Variants in EYS observed in about 807,000 individuals in gnomAD.
EYS encodes the protein EGF-like photoreceptor maintenance factor.
In EYS, 250 loss-of-function variants were observed where a neutral mutation model predicts 282.1. That is an observed-to-expected ratio of 0.89 (90% CI 0.80 to 0.98). The LOEUF (loss-of-function observed/expected upper bound fraction) is 0.98. Among genes scored for constraint, EYS ranks in the 50% least tolerant of loss-of-function variants. The pLI, the probability that EYS is intolerant of heterozygous loss-of-function variation, is 0.00. For synonymous variants in EYS, 1,355 were observed against 1,282.9 expected (o/e 1.06, Z -1.20); for missense variants, 4,016 against 3,709.0 (o/e 1.08, Z -2.15).
At chr6:64,309,110 G>A (rs1769573526) in intron 29 of EYS, among the ~76,000 whole-genome samples, 1 of 152,042 alleles carries the variant, frequency 6.6e-6, no homozygotes. Context: ...GATAGTGAAT[G>A]TTCAAACTTA....
chr6:64,070,409 CAA>C (rs573355230), intron 32 of EYS, among the ~76,000 whole-genome samples: 135 of 152,068 alleles, frequency 8.9e-4, no homozygotes, highest in Non-Finnish European at 1.7e-3. Flanking sequence ...AGAAAGCTCT[CAA>C]GTTTGTTATG....
chr6:64,759,835 T>C (rs1773100866), intron 22 of EYS, among the ~76,000 whole-genome samples: 1 of 152,198 alleles, frequency 6.6e-6, no homozygotes, highest in Non-Finnish European at 1.5e-5. Flanking sequence ...AAATGAATAG[T>C]GTCTAACAGG....
At chr6:65,550,950 C>T in intron 2 of EYS, among the ~76,000 whole-genome samples, 1 of 33,796 alleles carries the variant, frequency 3.0e-5, no homozygotes, top group Non-Finnish European at 4.4e-5. Flanking sequence ...TTTACAGTCC[C>T]ACCAACAGTG....
intron 13 of EYS, among the ~76,000 whole-genome samples, chr6:65,055,925 T>C (rs1773398900): frequency 6.6e-6 from 1 of 152,032 alleles, no homozygotes; most frequent in Non-Finnish European, 1.5e-5. Flanking sequence ...CCTTTTTACA[T>C]GCCATACTCT....
At chr6:65,559,301 G>T (rs76516956) in intron 2 of EYS, among the ~76,000 whole-genome samples, 3 of 152,094 alleles carry the variant, frequency 2.0e-5, no homozygotes, top group African/African-American at 7.2e-5. Flanking sequence ...AGAACTGCTC[G>T]AACCTGGGAG....
chr6:64,323,800 C>G (rs1436104087), intron 29 of EYS, among the ~76,000 whole-genome samples: 1 of 152,034 alleles, frequency 6.6e-6, no homozygotes, highest in African/African-American at 2.4e-5. Context: ...CCATAATGGA[C>G]ATATGGAGTG....
intron 14 of EYS, among the ~76,000 whole-genome samples, chr6:64,973,681 C>A (rs1770375431): frequency 6.6e-6 from 1 of 151,944 alleles, no homozygotes; most frequent in South Asian, 2.1e-4. Context: ...CATTTATTAA[C>A]TGAAGATAGT....
chr6:64,149,455 A>G (rs531093440), intron 31 of EYS, among the ~76,000 whole-genome samples: 19 of 152,306 alleles, frequency 1.2e-4, no homozygotes, highest in Admixed American at 1.1e-3. Flanking sequence ...GCTGCAGGAA[A>G]GTTAAATATT....
chr6:64,396,699 A>T (rs944286972), intron 28 of EYS, among the ~76,000 whole-genome samples: 1 of 152,118 alleles, frequency 6.6e-6, no homozygotes, highest in African/African-American at 2.4e-5. Flanking sequence ...GTTCTGCAGT[A>T]TCGCTTCTGT....
chr6:65,091,498 TAAA>T (rs1036448706), intron 12 of EYS, among the ~76,000 whole-genome samples: 14 of 135,684 alleles, frequency 1.0e-4, no homozygotes, highest in South Asian at 4.7e-4. Flanking sequence ...TGCTTAATAA[TAAA>T]AAGAAGTTAG....
intron 15 of EYS, among the ~76,000 whole-genome samples, chr6:64,928,989 A>G (rs1302472610): frequency 1.3e-5 from 2 of 152,194 alleles, no homozygotes; most frequent in East Asian, 3.8e-4. Context: ...CTCAGGAGAC[A>G]TCAGAAGGTG....
intron 22 of EYS, among the ~76,000 whole-genome samples, chr6:64,726,438 C>A (rs931185837): frequency 6.6e-6 from 1 of 151,966 alleles, no homozygotes; most frequent in Non-Finnish European, 1.5e-5. Context: ...CAAACATGAT[C>A]TATGTATCTT....
intron 12 of EYS, among the ~76,000 whole-genome samples, chr6:65,235,650 G>A (rs1766903563): frequency 6.6e-6 from 1 of 152,008 alleles, no homozygotes; most frequent in South Asian, 2.1e-4. Flanking sequence ...CAGAGTTTGA[G>A]CTTCAATATT....
chr6:64,607,739 C>T lies in EYS; in HGVS notation c.3684+9679G>A, dbSNP rs1333233783. On this transcript the variant is annotated intron_variant, in intron 24 of 42. Transcript: ENST00000503581. ...CACCAAAAGAAATCTGAGTATGGCT[C>T]AGAGTGAAAAGATCTAGAACTGTAT... 3.3e-5 allele frequency among the ~76,000 whole-genome samples: 5 copies of T among 152,036 alleles called. No homozygotes were observed. The East Asian group carries it at 9.6e-4, about 29-fold the overall frequency.
intron 35 of EYS, among the ~76,000 whole-genome samples, chr6:63,915,438 T>C (rs1437911257): frequency 1.3e-5 from 2 of 152,200 alleles, no homozygotes; most frequent in African/African-American, 2.4e-5. Context: ...AAAAGCTTTG[T>C]TGGAGAGGCA....
intron 26 of EYS, among the ~76,000 whole-genome samples, chr6:64,537,692 A>C (rs192866988): frequency 2.0e-4 from 30 of 152,274 alleles, no homozygotes; most frequent in African/African-American, 6.7e-4. Context: ...CATGATGAGT[A>C]CTTGGTTGTC....
chr6:64,312,784 G>A (rs755382313), intron 29 of EYS, among the ~76,000 whole-genome samples: 2 of 152,182 alleles, frequency 1.3e-5, no homozygotes, highest in Non-Finnish European at 2.9e-5. Flanking sequence ...ACCAGTAGCA[G>A]AGGGAACTGA....
intron 36 of EYS, 93 bp from the exon 37 acceptor site, chr6:63,806,465 G>T (rs1770912061): frequency 2.8e-6 from 3 of 1,068,730 alleles, no homozygotes; most frequent in Admixed American, 2.9e-5. Context: ...TGGCCAGATA[G>T]TCTGTTTACT....
intron 12 of EYS, among the ~76,000 whole-genome samples, chr6:65,106,774 T>C (rs1010522408): frequency 2.6e-5 from 4 of 152,104 alleles, no homozygotes; most frequent in African/African-American, 9.7e-5. Flanking sequence ...TAGACCTACA[T>C]AGGTCTTTAC....
Sources: gnomAD v4.1 joint callset for allele counts (sites outside exome capture counted in the v4.1 genomes callset) on GRCh38, gnomAD v4.1.1 for gene constraint, MANE v1.5 for transcripts, NCBI Gene and HGNC (gene_info 2026-07-23, HGNC 2026-07-21) for gene names.